The following MS4A10 variants were observed in gnomAD, a reference collection of about 807,000 sequenced individuals.
MS4A10 encodes the protein membrane-spanning 4-domains subfamily A member 10.
MS4A10 carries 27 observed loss-of-function variants against 27.7 expected under a neutral mutation model. The observed-to-expected ratio is 0.98, with a 90% CI of 0.72 to 1.35. The LOEUF is 1.35. MS4A10 is among the 40% of genes most tolerant of loss of function. The pLI is 0.00. For missense variants in MS4A10, 338 were observed against 324.7 expected, an observed-to-expected ratio of 1.04 and a Z score of -0.32; for synonymous variants, 139 against 131.2, an observed-to-expected ratio of 1.06 and a Z score of -0.41.
chr11:60,786,064 AC>A (rs1440879795), intron 1 of MS4A10, among the ~76,000 whole-genome samples: 1 of 151,298 alleles, frequency 6.6e-6, no homozygotes, highest in East Asian at 2.0e-4. Context: ...AAGGCACCCC[AC>A]CCCCAACACC....
In MS4A10 at chr11:60,800,066, C is replaced by CCTCT. The variant is rs1854607448; in HGVS notation, c.*159_*162dup. The CCTCT allele has an allele frequency of 1.1e-5, 12 of 1,069,306 alleles. No individual in the cohort carries two copies. Among genetic ancestry groups the CCTCT allele is most frequent in the Non-Finnish European group, 1.5e-5 (11 of 740,656 alleles). The allele number at this position is 1,069,306 out of a possible 1,614,324, so 66.2% of individuals were successfully genotyped here. A position where few individuals can be genotyped will look rare whatever the true frequency, so the allele number is the denominator to read the frequency against. On this transcript the variant is annotated 3_prime_UTR_variant, in exon 8 of 8. Coordinates refer to ENST00000308287, the MANE Select transcript of MS4A10 (RefSeq NM_206893.4). ...CCCTCACAGCTCCTGGGAACGCTGT[C>CCTCT]CTCTCAGATAAGCCATTTCTTACAT...
At chr11:60,796,236 C>A (rs1013263370) in intron 6 of MS4A10, among the ~76,000 whole-genome samples, 2 of 145,454 alleles carry the variant, frequency 1.4e-5, no homozygotes, top group Admixed American at 6.8e-5. Context: ...TGGATATAGA[C>A]GTGCAGATAT....
chr11:60,800,005 A>G lies in MS4A10; in HGVS notation c.*96A>G. On this transcript the variant is annotated 3_prime_UTR_variant, in exon 8 of 8. Transcript: ENST00000308287. ...CTGGGAAGATGAGATTTGCACATAC[A>G]AAAGGCTAGAGCGATGGTCTATACA... 1 of 1,595,214 alleles carries G rather than the reference A, an allele frequency of 6.3e-7. No individual in the cohort carries two copies. The highest frequency in any genetic ancestry group is 1.1e-5 in the South Asian group (1 of 89,008).
intron 7 of MS4A10, among the ~76,000 whole-genome samples, chr11:60,799,365 T>A (rs1246720162): frequency 6.6e-6 from 1 of 152,226 alleles, no homozygotes; most frequent in Non-Finnish European, 1.5e-5. Context: ...TTTTGCTTAT[T>A]TGTGAGCTGC....
intron 1 of MS4A10, among the ~76,000 whole-genome samples, chr11:60,788,459 G>A (rs1467300497): frequency 6.6e-6 from 1 of 152,170 alleles, no homozygotes; most frequent in Non-Finnish European, 1.5e-5. Context: ...TCCAGGCCTG[G>A]GTCCAGGTAT....
rs1367460467 is a variant in MS4A10, at chr11:60,790,975, C to T, written c.185C>T (p.Ala62Val). The change falls in exon 3 of 8, where the codon GCC (alanine) becomes GTC (valine). Residue 62 changes from alanine to valine, a missense_variant and splice_region_variant. Transcript: ENST00000308287. ...AGCCATTCTCTCTTCCCCACCCAGG[C>T]CTTCCACATCACCATCGCTCTGCTG... Reference protein sequence around the residue: ...KKSSLLKELGAFHITIALLHL... With the variant: ...KKSSLLKELGVFHITIALLHL... The T allele has an allele frequency of 6.2e-7, 1 of 1,614,016 alleles. No individual in the cohort carries two copies. Among genetic ancestry groups the T allele is most frequent in the African/African-American group, 1.3e-5 (1 of 74,936 alleles).
At chr11:60,798,666 C>T in intron 7 of MS4A10, 152 bp downstream of exon 7, 1 of 628,274 alleles carries the variant, frequency 1.6e-6, no homozygotes, top group South Asian at 2.0e-5. Context: ...GGAGTGGTAG[C>T]CAAGGCAGCA....
At chr11:60,795,839 G>A (rs74538275) in intron 6 of MS4A10, among the ~76,000 whole-genome samples, 174 bp downstream of exon 6, 2,334 of 152,238 alleles carry the variant, frequency 0.015, 60 homozygotes, top group African/African-American at 0.054. Context: ...GCCAAGGCAC[G>A]GGGGCAAGAG....
At chr11:60,788,229 A>C (rs1165633378) in intron 1 of MS4A10, among the ~76,000 whole-genome samples, 1 of 152,122 alleles carries the variant, frequency 6.6e-6, no homozygotes, top group Non-Finnish European at 1.5e-5. Flanking sequence ...ATCAGGACCA[A>C]TGTTCCATGG....
Position 60,794,076 on chromosome 11 carries a change from G to A in MS4A10, c.465G>A (p.Pro155=), listed in dbSNP as rs150419681. Residue 155 remains proline (P), a synonymous_variant, in exon 5 of 8, where the codon CCG becomes CCA. Coordinates refer to ENST00000308287, the MANE Select transcript of MS4A10 (RefSeq NM_206893.4). ...DLFLESPFES[P]IWRMYPNSTV... is the part of the protein sequence containing the mutation. ...TTCTGGAGAGCCCATTTGAGTCCCC[G>A]ATCTGGAGAATGTACCCCAACTCCA... is the stretch of plus-strand genomic sequence containing the variant. The A allele has an allele frequency of 6.1e-5, 99 of 1,613,998 alleles. No individual in the cohort carries two copies. In the Admixed American group the frequency reaches 7.0e-4, roughly 11 times the overall value.
intron 5 of MS4A10, 135 bp downstream of exon 5, chr11:60,794,238 G>GT (rs1488261679): frequency 7.1e-6 from 7 of 985,484 alleles, no homozygotes; most frequent in Middle Eastern, 6.5e-4. Flanking sequence ...TTGCCAACCT[G>GT]TTTCTGTCCC....
Position 60,790,466 on chromosome 11 carries a change from C to T in MS4A10, c.131C>T (p.Pro44Leu). 6.2e-7 allele frequency: 1 copy of T among 1,614,160 alleles called. No individual in the cohort carries two copies. The highest frequency in any genetic ancestry group is 8.5e-7 in the Non-Finnish European group (1 of 1,180,022). The change falls in exon 2 of 8, where the codon CCA becomes CTA. Residue 44 changes from proline (P) to leucine (L), a missense_variant. Transcript: ENST00000308287. ...QNTTQPKLLAPHQHEKSQKKS... is the reference protein window; with the variant it reads ...QNTTQPKLLALHQHEKSQKKS... Reference sequence around the variant, plus strand: ...ACGACCCAGCCCAAGCTCCTGGCTCCACACCAGCACGAGAAGTCCCAGAAG... The same window carrying T: ...ACGACCCAGCCCAAGCTCCTGGCTCTACACCAGCACGAGAAGTCCCAGAAG...
intron 1 of MS4A10, among the ~76,000 whole-genome samples, chr11:60,785,714 G>T (rs550100164): frequency 2.0e-5 from 3 of 152,140 alleles, no homozygotes; most frequent in Non-Finnish European, 4.4e-5. Context: ...TCTCCCCTGC[G>T]GAGCCCCATC....
At position 60,798,521 on chromosome 11, in the gene MS4A10, A is replaced by T; in HGVS notation, c.722+7A>T. The T allele has an allele frequency of 1.2e-6, 2 of 1,611,396 alleles. No homozygotes were observed. Among genetic ancestry groups the T allele is most frequent in the South Asian group, 2.2e-5 (2 of 90,952 alleles). ...AACACAAGCAACATCAGAGGTGAAGAGGTTTGGCCCTGGCTCCCCAGACCT... is the reference window on the plus strand; with the variant it reads ...AACACAAGCAACATCAGAGGTGAAGTGGTTTGGCCCTGGCTCCCCAGACCT... On this transcript the variant is annotated splice_region_variant and intron_variant, in intron 7 of 7. Transcript: ENST00000308287.
chr11:60,798,542 G>C, intron 7 of MS4A10, 28 bp downstream of exon 7: 1 of 1,570,610 alleles, frequency 6.4e-7, no homozygotes, highest in Admixed American at 1.7e-5. Context: ...TGGCTCCCCA[G>C]ACCTTCAGAA....
intron 7 of MS4A10, among the ~76,000 whole-genome samples, chr11:60,799,180 T>G (rs1411730657): frequency 6.6e-6 from 1 of 152,216 alleles, no homozygotes; most frequent in Non-Finnish European, 1.5e-5. Context: ...GTCTCCCAGC[T>G]TGAAAGCTCT....
chr11:60,790,850 G>T, intron 2 of MS4A10, 124 bp from the exon 3 acceptor site: 1 of 1,376,050 alleles, frequency 7.3e-7, no homozygotes, highest in East Asian at 2.3e-5. Context: ...AGAGAGCCTG[G>T]TCTCTGGGAT....
At chr11:60,799,702 T>G (rs1179122825) in intron 7 of MS4A10, 126 bp from the exon 8 acceptor site, 6 of 656,296 alleles carry the variant, frequency 9.1e-6, no homozygotes, top group Non-Finnish European at 1.7e-5. Context: ...CAGAGCTCAC[T>G]CTTTGAATCT....
chr11:60,789,072 A>G (rs1276866098), intron 1 of MS4A10, among the ~76,000 whole-genome samples: 2 of 152,176 alleles, frequency 1.3e-5, no homozygotes, highest in Non-Finnish European at 2.9e-5. Flanking sequence ...AATCCAGGAT[A>G]TAGTCACCTG....
Sources: gnomAD v4.1 joint callset for allele counts (sites outside exome capture counted in the v4.1 genomes callset) on GRCh38, gnomAD v4.1.1 for gene constraint, MANE v1.5 for transcripts, NCBI Gene and HGNC (gene_info 2026-07-23, HGNC 2026-07-21) for gene names.